Variants in CDKL5 observed in about 807,000 individuals in gnomAD.
The protein encoded by CDKL5 is cyclin dependent kinase like 5.
In CDKL5, 8 loss-of-function variants were observed where a neutral mutation model predicts 61.7. The ratio of observed to expected loss-of-function variants is 0.13; its 90% CI spans 0.08 to 0.23. The LOEUF (loss-of-function observed/expected upper bound fraction) is 0.23. Among genes scored for constraint, CDKL5 ranks in the 10% least tolerant of loss-of-function variants. CDKL5 has a pLI of 1.00. For synonymous variants in CDKL5, 275 were observed against 272.3 expected (o/e 1.01, Z -0.10); for missense variants, 440 against 734.5 (o/e 0.60, Z 4.63).
intron 4 of CDKL5, among the ~76,000 whole-genome samples, chrX:18,573,549 ATC>A (rs1406378283): frequency 1.8e-5 from 2 of 112,141 alleles, no homozygotes; most frequent in East Asian, 5.7e-4. Flanking sequence ...CCCCGATTGC[ATC>A]TCAGACATTC....
chrX:18,539,397 A>T (rs1274869559), intron 3 of CDKL5, among the ~76,000 whole-genome samples: 2 of 112,003 alleles, frequency 1.8e-5, no homozygotes, highest in Non-Finnish European at 3.8e-5. Flanking sequence ...ATTTTGATAC[A>T]TGTTGTATTT....
chrX:18,560,902 C>T (rs1924783368), intron 3 of CDKL5, among the ~76,000 whole-genome samples: 2 of 111,387 alleles, frequency 1.8e-5, no homozygotes, highest in Admixed American at 9.6e-5. Context: ...TATATTGGAA[C>T]AAAATCCAAA....
rs1446798548 is a variant in CDKL5 at position 18,633,247 on chromosome X, A to T, written c.*4490A>T. On this transcript the variant is annotated 3_prime_UTR_variant, in exon 18 of 18. Coordinates refer to ENST00000623535, the MANE Select transcript of CDKL5 (RefSeq NM_001323289.2). Reference sequence around the variant, plus strand: ...TTTGGAATGTGGTAGGGTACACTGAACCAAGTCAGAAAATAGTGAAATATT... The same window carrying T: ...TTTGGAATGTGGTAGGGTACACTGATCCAAGTCAGAAAATAGTGAAATATT... 6.6e-6 allele frequency: 5 copies of T among 754,418 alleles called. No individual in the cohort carries two copies. Among genetic ancestry groups the T allele is most frequent in the Non-Finnish European group, 7.8e-6 (5 of 639,355 alleles). 62.2% of individuals were successfully genotyped at this position (754,418 alleles called of 1,213,427 possible).
chrX:18,440,662 G>A (rs1014844543), intron 1 of CDKL5, among the ~76,000 whole-genome samples: 2 of 111,675 alleles, frequency 1.8e-5, no homozygotes, highest in Non-Finnish European at 3.8e-5. Flanking sequence ...TAGTAGAGAC[G>A]GCGTTTCACT....
chrX:18,646,061 G>A lies in CDKL5; in HGVS notation c.2768G>A (p.Arg923His), dbSNP rs1487927674. The change falls in exon 20 of 22, where the codon CGC becomes CAC. Residue 923 changes from arginine (R) to histidine (H), a missense_variant. Physicochemically the swap from Arg to His is conservative, Grantham distance 29. Coordinates refer to the CDKL5 transcript ENST00000379989. ...CACCATTCTGGACCCCAAGATAGAC[G>A]CTTCATGTTAAGGACGACAGAACAA... 9.1e-6 allele frequency: 11 copies of A among 1,210,114 alleles called. No individual in the cohort carries two copies. The highest frequency in any genetic ancestry group is 3.0e-5 in the East Asian group (1 of 33,778).
chrX:18,503,571 T>G (rs979675135), intron 1 of CDKL5, among the ~76,000 whole-genome samples: 5 of 112,664 alleles, frequency 4.4e-5, no homozygotes, highest in African/African-American at 9.7e-5. Context: ...TAAGCTTATG[T>G]TCAGCTACCT....
intron 3 of CDKL5, among the ~76,000 whole-genome samples, chrX:18,549,549 C>T (rs1290671405): frequency 2.7e-5 from 3 of 112,028 alleles, no homozygotes; most frequent in Non-Finnish European, 5.6e-5. Context: ...TGGTTTTTGT[C>T]TTCTGATCTT....
At chrX:18,475,094 G>A (rs1487415746) in intron 1 of CDKL5, among the ~76,000 whole-genome samples, 14 of 108,150 alleles carry the variant, frequency 1.3e-4, no homozygotes, top group African/African-American at 4.7e-4. Flanking sequence ...GAGTAGCTAG[G>A]ATTACAGGCA....
chrX:18,435,411 T>C (rs1182047517), intron 1 of CDKL5, among the ~76,000 whole-genome samples: 2 of 112,056 alleles, frequency 1.8e-5, no homozygotes, highest in African/African-American at 6.5e-5. Context: ...TTTTATACTT[T>C]ATCAATTATT....
chrX:18,578,307 T>C (rs1022585689), intron 5 of CDKL5, among the ~76,000 whole-genome samples: 1 of 112,486 alleles, frequency 8.9e-6, no homozygotes, highest in Admixed American at 9.4e-5. Flanking sequence ...TTATTTCATT[T>C]GTTTATATGG....
At chrX:18,531,808 G>A (rs1303908146) in intron 3 of CDKL5, among the ~76,000 whole-genome samples, 1 of 107,635 alleles carries the variant, frequency 9.3e-6, no homozygotes, top group Non-Finnish European at 1.9e-5. Flanking sequence ...CCGGGTTCAC[G>A]CCATTCTCCT....
chrX:18,653,305 G>A, intron 21 of CDKL5: 1 of 1,134,738 alleles, frequency 8.8e-7, no homozygotes, highest in Non-Finnish European at 1.2e-6. Context: ...TAGCATTAAA[G>A]TGAAGATTAG....
intron 1 of CDKL5, among the ~76,000 whole-genome samples, chrX:18,451,262 G>T (rs961675506): frequency 9.0e-6 from 1 of 111,282 alleles, no homozygotes; most frequent in Non-Finnish European, 1.9e-5. Flanking sequence ...CATGATCTCG[G>T]CTCACTGCAA....
chrX:18,613,093 TAAAAA>T (rs368997720), intron 14 of CDKL5, 54 bp from the exon 15 acceptor site: 79 of 765,666 alleles, frequency 1.0e-4, no homozygotes, highest in East Asian at 5.3e-4. Flanking sequence ...AGACTCTGTC[TAAAAA>T]AAAAAAAAAA....
chrX:18,601,593 AG>A (rs1330506070), intron 11 of CDKL5, among the ~76,000 whole-genome samples: 2 of 112,390 alleles, frequency 1.8e-5, no homozygotes, highest in Non-Finnish European at 3.8e-5. Flanking sequence ...TTATGTGCAA[AG>A]CTCAGTGGTT....
intron 1 of CDKL5, among the ~76,000 whole-genome samples, chrX:18,444,362 G>T (rs1931824999): frequency 9.0e-6 from 1 of 110,897 alleles, no homozygotes; most frequent in Non-Finnish European, 1.9e-5. Flanking sequence ...TTTCCTCTTT[G>T]GCTGTGCAGT....
Position 18,635,689 on chromosome X carries a change from C to T in CDKL5, c.*6932C>T, listed in dbSNP as rs762087963. 5.3e-5 allele frequency: 34 copies of T among 643,148 alleles called. 1 individual carries two copies. In the South Asian group the frequency reaches 1.8e-3, roughly 34 times the overall value. The allele number at this position is 643,148 out of a possible 1,213,427, so 53.0% of individuals were successfully genotyped here. On this transcript the variant is annotated 3_prime_UTR_variant, in exon 18 of 18. Transcript: ENST00000623535. The stretch of plus-strand genomic sequence containing the variant: ...CTTGAGTGTTGTCACCTTTGCACGT[C>T]GCTAGACACTCACGTGGTAGTTTGA...
chrX:18,632,281 G>T lies in CDKL5; in HGVS notation c.*3524G>T. The T allele has an allele frequency of 4.0e-6, 3 of 753,800 alleles. No homozygotes were observed. The highest frequency in any genetic ancestry group is 3.1e-6 in the Non-Finnish European group (2 of 638,765). The allele number at this position is 753,800 out of a possible 1,213,427, so 62.1% of individuals were successfully genotyped here. A position where few individuals can be genotyped will look rare whatever the true frequency, so the allele number is the denominator to read the frequency against. The stretch of plus-strand genomic sequence containing the variant: ...TTCCATTGTCTTGGGCCTGCTAAAA[G>T]GTGCATACTTTGGAAGGAGACCAGA... On this transcript the variant is annotated 3_prime_UTR_variant, in exon 18 of 18. Transcript: ENST00000623535.
intron 9 of CDKL5, among the ~76,000 whole-genome samples, chrX:18,593,287 C>T (rs887127498): frequency 6.3e-5 from 7 of 111,937 alleles, no homozygotes; most frequent in African/African-American, 1.6e-4. Flanking sequence ...CTCACTCAAA[C>T]GCATGTAAAT....
Sources: allele counts gnomAD v4.1 joint callset (sites outside exome capture counted in the v4.1 genomes callset), GRCh38; gene constraint gnomAD v4.1.1; transcripts MANE v1.5; gene names NCBI Gene and HGNC (gene_info 2026-07-23, HGNC 2026-07-21).